The following EMCN variants were observed in gnomAD, a reference collection of about 807,000 sequenced individuals.
The protein encoded by EMCN is MUC-14.
Under a neutral mutation model 38.4 loss-of-function variants are expected in EMCN, and 37 were observed. The ratio of observed to expected loss-of-function variants is 0.96; its 90% CI spans 0.74 to 1.27. The LOEUF (loss-of-function observed/expected upper bound fraction) is 1.27. Ranked by LOEUF, EMCN falls within the 50% of genes most tolerant of loss-of-function variation. The pLI, the probability that EMCN is intolerant of heterozygous loss-of-function variation, is 0.00. For missense variants in EMCN, 318 were observed against 302.8 expected, an observed-to-expected ratio of 1.05 and a Z score of -0.37; for synonymous variants, 95 against 100.8, an observed-to-expected ratio of 0.94 and a Z score of 0.35.
rs1441990709 is a variant in EMCN at position 100,469,516 on chromosome 4, G to A, written c.260-3977C>T. ...GCTTACAAATTGAGAAAAATAATTT[G>A]TAAATTATATATCTGATAAGGAGTT... On this transcript the variant is annotated intron_variant, in intron 3 of 11. Transcript: ENST00000296420. Among the ~76,000 whole-genome samples, 5 of 61,252 alleles carry A rather than the reference G, an allele frequency of 8.2e-5. 2 individuals are homozygous for A. The highest frequency in any genetic ancestry group is 3.8e-4 in the Non-Finnish European group (5 of 13,128). 40.2% of individuals were successfully genotyped at this position (61,252 alleles called of 152,430 possible).
At chr4:100,441,642 T>C (rs1252789560) in intron 5 of EMCN, among the ~76,000 whole-genome samples, 3 of 152,194 alleles carry the variant, frequency 2.0e-5, no homozygotes, top group Non-Finnish European at 4.4e-5. Flanking sequence ...TTGATTCTTT[T>C]CTCTTTATCA....
intron 5 of EMCN, among the ~76,000 whole-genome samples, chr4:100,427,257 T>C (rs947476834): frequency 6.6e-6 from 1 of 152,060 alleles, no homozygotes; most frequent in Admixed American, 6.6e-5. Flanking sequence ...TATTTCTTTT[T>C]TTAAAATCTT....
chr4:100,473,365 G>GTTTTTTTTTTTTTTTTTTTTTTTTTTT lies in EMCN; in HGVS notation c.259+1672_259+1673insAAAAAAAAAAAAAAAAAAAAAAAAAAA. Among the ~76,000 whole-genome samples, 11 of 29,876 alleles carry GTTTTTTTTTTTTTTTTTTTTTTTTTTT rather than the reference G, an allele frequency of 3.7e-4. 2 individuals are homozygous for GTTTTTTTTTTTTTTTTTTTTTTTTTTT. Among genetic ancestry groups the GTTTTTTTTTTTTTTTTTTTTTTTTTTT allele is most frequent in the South Asian group, 2.2e-3 (1 of 456 alleles). The allele number at this position is 29,876 out of a possible 152,430, so 19.6% of individuals were successfully genotyped here. A position where few individuals can be genotyped will look rare whatever the true frequency, so the allele number is the denominator to read the frequency against. ...TTCTAATGGGCATTTCCCGTTTCGT[G>GTTTTTTTTTTTTTTTTTTTTTTTTTTT]TTTTTTTGTTTTTTTTTTTTGTTTT... On this transcript the variant is annotated intron_variant, in intron 3 of 11. Transcript: ENST00000296420.
chr4:100,451,857 A>C (rs972816429), intron 4 of EMCN, among the ~76,000 whole-genome samples: 1 of 151,930 alleles, frequency 6.6e-6, no homozygotes, highest in African/African-American at 2.4e-5. Flanking sequence ...GTGTGTGTTT[A>C]TTTCTTTATA....
chr4:100,448,891 A>T (rs1201059232), intron 4 of EMCN, among the ~76,000 whole-genome samples: 3 of 150,716 alleles, frequency 2.0e-5, no homozygotes. Flanking sequence ...TCTGCTCAGA[A>T]GTCGCTGTTC....
intron 1 of EMCN, among the ~76,000 whole-genome samples, chr4:100,494,469 AAAG>A (rs1729161281): frequency 1.3e-5 from 2 of 152,116 alleles, no homozygotes; most frequent in Admixed American, 6.6e-5. Context: ...TCATATTTAA[AAAG>A]AAGGAGATCA....
intron 5 of EMCN, among the ~76,000 whole-genome samples, chr4:100,426,530 A>T (rs1393155754): frequency 6.6e-6 from 1 of 152,008 alleles, no homozygotes; most frequent in Non-Finnish European, 1.5e-5. Context: ...TTTTTCTCTC[A>T]TAGGCATTTT....
At chr4:100,504,305 C>G (rs866007136) in intron 1 of EMCN, among the ~76,000 whole-genome samples, 3 of 152,158 alleles carry the variant, frequency 2.0e-5, no homozygotes, top group South Asian at 2.1e-4. Context: ...TGCCTAAATG[C>G]CTTGATGTAG....
intron 7 of EMCN, among the ~76,000 whole-genome samples, chr4:100,422,713 C>G (rs540513735): frequency 6.6e-6 from 1 of 151,962 alleles, no homozygotes; most frequent in South Asian, 2.1e-4. Flanking sequence ...CTAGTCCCAT[C>G]GAGTCATCCT....
chr4:100,432,879 C>T (rs1343541546), intron 5 of EMCN, among the ~76,000 whole-genome samples: 1 of 152,052 alleles, frequency 6.6e-6, no homozygotes, highest in East Asian at 1.9e-4. Context: ...AGGTATACAA[C>T]ATGATATTAT....
At chr4:100,444,464 G>A (rs1185861569) in intron 5 of EMCN, among the ~76,000 whole-genome samples, 1 of 152,098 alleles carries the variant, frequency 6.6e-6, no homozygotes, top group African/African-American at 2.4e-5. Flanking sequence ...TGGTGGTGGT[G>A]GGGTATGCTG....
chr4:100,517,445 C>T (rs1421536682), intron 1 of EMCN, among the ~76,000 whole-genome samples: 2 of 152,036 alleles, frequency 1.3e-5, no homozygotes, highest in Non-Finnish European at 2.9e-5. Flanking sequence ...CTAACATCTG[C>T]AATATAATGT....
At chr4:100,435,087 C>G (rs1727313014) in intron 5 of EMCN, among the ~76,000 whole-genome samples, 2 of 152,152 alleles carry the variant, frequency 1.3e-5, no homozygotes, top group Non-Finnish European at 2.9e-5. Flanking sequence ...GTCATATTAT[C>G]TTTGTTTGCA....
At chr4:100,508,675 C>T (rs1240223791) in intron 1 of EMCN, among the ~76,000 whole-genome samples, 1 of 152,076 alleles carries the variant, frequency 6.6e-6, no homozygotes, top group Non-Finnish European at 1.5e-5. Context: ...TACAGTCTAT[C>T]CTAGTGGGGG....
intron 5 of EMCN, among the ~76,000 whole-genome samples, chr4:100,436,026 T>C (rs1271410581): frequency 2.6e-5 from 4 of 151,908 alleles, no homozygotes; most frequent in Non-Finnish European, 1.5e-5. Context: ...AAATTGACAA[T>C]TGGGGTCTAA....
chr4:100,433,666 G>T (rs1190514465), intron 5 of EMCN, among the ~76,000 whole-genome samples: 1 of 151,866 alleles, frequency 6.6e-6, no homozygotes, highest in Non-Finnish European at 1.5e-5. Context: ...CTCTTCAGTA[G>T]CTAGGATTAC....
intron 1 of EMCN, among the ~76,000 whole-genome samples, chr4:100,497,621 C>T (rs1458935944): frequency 6.6e-6 from 1 of 152,178 alleles, no homozygotes; most frequent in East Asian, 1.9e-4. Flanking sequence ...CATGATCCGC[C>T]TGCCTCAGCC....
intron 5 of EMCN, among the ~76,000 whole-genome samples, chr4:100,427,252 C>A (rs1279329611): frequency 1.3e-5 from 2 of 151,694 alleles, no homozygotes; most frequent in Non-Finnish European, 2.9e-5. Flanking sequence ...CCTCTTATTT[C>A]TTTTTTTAAA....
At chr4:100,506,421 C>A (rs1333055646) in intron 1 of EMCN, among the ~76,000 whole-genome samples, 3 of 151,962 alleles carry the variant, frequency 2.0e-5, no homozygotes, top group African/African-American at 7.3e-5. Context: ...AACCCAAATG[C>A]CCATGGGTCA....
Sources: gnomAD v4.1 joint callset for allele counts (sites outside exome capture counted in the v4.1 genomes callset) on GRCh38, gnomAD v4.1.1 for gene constraint, MANE v1.5 for transcripts, NCBI Gene and HGNC (gene_info 2026-07-23, HGNC 2026-07-21) for gene names.